Variants in GTF2E2 observed in about 807,000 individuals in gnomAD.
GTF2E2 encodes the protein general transcription factor IIE subunit 2, also known as transcription initiation factor IIE subunit beta.
Under a neutral mutation model 40.5 loss-of-function variants are expected in GTF2E2, and 21 were observed. The ratio of observed to expected loss-of-function variants is 0.52; its 90% CI spans 0.37 to 0.75. The LOEUF (loss-of-function observed/expected upper bound fraction) is 0.75. GTF2E2 is among the 30% of genes least tolerant of loss of function. The pLI, the probability that GTF2E2 is intolerant of heterozygous loss-of-function variation, is 0.00. For synonymous variants in GTF2E2, 117 were observed against 121.6 expected (o/e 0.96, Z 0.25); for missense variants, 298 against 338.4 (o/e 0.88, Z 0.94).
intron 1 of GTF2E2, 122 bp from the exon 2 acceptor site, chr8:30,653,724 C>A: frequency 1.5e-6 from 1 of 665,598 alleles, no homozygotes; most frequent in Non-Finnish European, 2.6e-6. Flanking sequence ...AGTTCTCTAG[C>A]ACTTGCATTT....
intron 2 of GTF2E2, among the ~76,000 whole-genome samples, chr8:30,648,254 C>T (rs192351022): frequency 3.9e-5 from 6 of 152,278 alleles, no homozygotes; most frequent in Non-Finnish European, 7.4e-5. Flanking sequence ...TGATACCACA[C>T]CTAAGAGATA....
chr8:30,588,991 C>A (rs1359634201), intron 6 of GTF2E2, among the ~76,000 whole-genome samples: 1 of 152,130 alleles, frequency 6.6e-6, no homozygotes, highest in Non-Finnish European at 1.5e-5. Context: ...CAGTGGCTCA[C>A]GCCTGTAATC....
intron 3 of GTF2E2, among the ~76,000 whole-genome samples, chr8:30,616,174 G>A (rs946848567): frequency 6.6e-6 from 1 of 152,182 alleles, no homozygotes; most frequent in Non-Finnish European, 1.5e-5. Flanking sequence ...AGATGCAGTG[G>A]TTCACACCTG....
chr8:30,618,491 C>T (rs932102559), intron 3 of GTF2E2, among the ~76,000 whole-genome samples: 2 of 151,992 alleles, frequency 1.3e-5, no homozygotes, highest in East Asian at 3.9e-4. Context: ...TGCATGGCCT[C>T]GCTCATTCCT....
At chr8:30,657,754 C>T (rs979787389) in intron 1 of GTF2E2, 1 of 152,272 alleles carries the variant, frequency 6.6e-6, no homozygotes, top group Admixed American at 6.5e-5. Flanking sequence ...CGAATTTTCC[C>T]TCTTTCCAAC....
chr8:30,630,322 T>C (rs1801404246), intron 3 of GTF2E2, among the ~76,000 whole-genome samples: 1 of 152,210 alleles, frequency 6.6e-6, no homozygotes, highest in East Asian at 1.9e-4. Context: ...GCCTTTCATC[T>C]TTCTATTTAG....
At chr8:30,651,881 G>C (rs540241614) in intron 2 of GTF2E2, among the ~76,000 whole-genome samples, 3 of 152,118 alleles carry the variant, frequency 2.0e-5, no homozygotes, top group Non-Finnish European at 4.4e-5. Flanking sequence ...AAACACAGAA[G>C]TCAATGGAAC....
intron 2 of GTF2E2, among the ~76,000 whole-genome samples, chr8:30,636,350 G>T (rs1801598950): frequency 6.6e-6 from 1 of 152,180 alleles, no homozygotes; most frequent in South Asian, 2.1e-4. Context: ...TCTGGCACCA[G>T]GTTGGTAATA....
chr8:30,612,190 T>C lies in GTF2E2; in HGVS notation c.549+109A>G, dbSNP rs1585963880. On this transcript the variant is annotated intron_variant, in intron 5 of 7. Transcript: ENST00000355904. ...CAAGTGGCTCACTGTAACCCATGTG[T>C]ATATAATAGAAGCTTTAAAAACAAT... is the stretch of plus-strand genomic sequence containing the variant. 3.9e-5 allele frequency: 28 copies of C among 723,810 alleles called. No homozygotes were observed. In the East Asian group the frequency reaches 6.5e-4, roughly 17 times the overall value. The allele number at this position is 723,810 out of a possible 1,614,324, so 44.8% of individuals were successfully genotyped here. A position where few individuals can be genotyped will look rare whatever the true frequency, so the allele number is the denominator to read the frequency against.
chr8:30,626,946 C>T (rs1161444085), intron 3 of GTF2E2, among the ~76,000 whole-genome samples: 1 of 152,186 alleles, frequency 6.6e-6, no homozygotes, highest in East Asian at 1.9e-4. Context: ...AGCTCTTCAT[C>T]TTTTTGTTTT....
Position 30,578,902 on chromosome 8 carries a change from T to G in GTF2E2, c.*19A>C, listed in dbSNP as rs764328600. On this transcript the variant is annotated 3_prime_UTR_variant, in exon 8 of 8. Transcript: ENST00000355904. ...CTTGATTGTGTATCTGTAACTCTGT[T>G]CCAGGGCAAAACTGTTCCCTATTTG... The G allele has an allele frequency of 2.5e-6, 3 of 1,208,384 alleles. No individual in the cohort carries two copies. Among genetic ancestry groups the G allele is most frequent in the East Asian group, 4.6e-5 (2 of 43,124 alleles). 74.9% of individuals were successfully genotyped at this position (1,208,384 alleles called of 1,614,324 possible). A position where few individuals can be genotyped will look rare whatever the true frequency, so the allele number is the denominator to read the frequency against.
Position 30,658,143 on chromosome 8 carries a change from TGGCGGC to T in GTF2E2, c.-181_-176del, listed in dbSNP as rs576140574. 6.5e-5 allele frequency: 12 copies of T among 185,600 alleles called. No individual in the cohort carries two copies. Among genetic ancestry groups the T allele is most frequent in the Admixed American group, 1.3e-4 (2 of 15,628 alleles). The allele number at this position is 185,600 out of a possible 1,614,324, so 11.5% of individuals were successfully genotyped here. A position where few individuals can be genotyped will look rare whatever the true frequency, so the allele number is the denominator to read the frequency against. ...CAGGTCGGGGTCTCACCACTGGCGG[TGGCGGC>T]GGCGGCGGCGGCAGCGGCGGTAGCT... On this transcript the variant is annotated 5_prime_UTR_variant, in exon 1 of 8. Coordinates refer to ENST00000355904, the MANE Select transcript of GTF2E2 (RefSeq NM_002095.6).
intron 2 of GTF2E2, among the ~76,000 whole-genome samples, chr8:30,647,979 G>C (rs1802152254): frequency 6.6e-6 from 1 of 152,144 alleles, no homozygotes; most frequent in Non-Finnish European, 1.5e-5. Context: ...CACTACAATG[G>C]AGCACATTGG....
At chr8:30,628,952 T>TA (rs1366684568) in intron 3 of GTF2E2, among the ~76,000 whole-genome samples, 2 of 152,002 alleles carry the variant, frequency 1.3e-5, no homozygotes, top group East Asian at 3.9e-4. Flanking sequence ...AAAAAAATTT[T>TA]ACCAGCAACT....
chr8:30,610,733 G>C (rs1016576841), intron 5 of GTF2E2, among the ~76,000 whole-genome samples: 1 of 152,030 alleles, frequency 6.6e-6, no homozygotes, highest in Non-Finnish European at 1.5e-5. Context: ...ACTCCTAGAA[G>C]AAAACATAGG....
At chr8:30,603,676 G>C (rs1471563628) in intron 6 of GTF2E2, among the ~76,000 whole-genome samples, 1 of 152,086 alleles carries the variant, frequency 6.6e-6, no homozygotes, top group African/African-American at 2.4e-5. Flanking sequence ...AAACATAAAA[G>C]TTGTGAGAGA....
At chr8:30,588,451 T>G (rs764251612) in intron 6 of GTF2E2, among the ~76,000 whole-genome samples, 1 of 152,208 alleles carries the variant, frequency 6.6e-6, no homozygotes, top group Non-Finnish European at 1.5e-5. Context: ...CATTGTTAAA[T>G]GAAATAAGCC....
chr8:30,611,392 TAAG>T (rs1829470959), intron 5 of GTF2E2, among the ~76,000 whole-genome samples: 1 of 152,092 alleles, frequency 6.6e-6, no homozygotes, highest in East Asian at 1.9e-4. Flanking sequence ...GCTGTTAGAA[TAAG>T]AAGAATTTTA....
chr8:30,623,317 T>C (rs1801169021), intron 3 of GTF2E2, among the ~76,000 whole-genome samples: 2 of 152,060 alleles, frequency 1.3e-5, no homozygotes, highest in African/African-American at 2.4e-5. Context: ...GTCCTTGCGA[T>C]AGTTTGCTGA....
Sources: allele counts gnomAD v4.1 joint callset (sites outside exome capture counted in the v4.1 genomes callset), GRCh38; gene constraint gnomAD v4.1.1; transcripts MANE v1.5; gene names NCBI Gene and HGNC (gene_info 2026-07-23, HGNC 2026-07-21).